The following COMMD2 variants were observed in gnomAD, a reference collection of about 807,000 sequenced individuals.
COMMD2 encodes COMM domain containing 2.
Under a neutral mutation model 22.5 loss-of-function variants are expected in COMMD2, and 25 were observed. The ratio of observed to expected loss-of-function variants is 1.11; its 90% CI spans 0.81 to 1.55. The LOEUF (loss-of-function observed/expected upper bound fraction) is 1.55. COMMD2 is among the 40% of genes most tolerant of loss of function. COMMD2 has a pLI of 0.00. For synonymous variants in COMMD2, 98 were observed against 91.2 expected, an observed-to-expected ratio of 1.07 and a Z score of -0.42; for missense variants, 223 against 232.9, an observed-to-expected ratio of 0.96 and a Z score of 0.28.
intron 4 of COMMD2, among the ~76,000 whole-genome samples, chr3:149,746,175 T>TAG (rs1171878153): frequency 6.6e-6 from 1 of 152,208 alleles, no homozygotes; most frequent in Non-Finnish European, 1.5e-5. Flanking sequence ...GCCTGACTTC[T>TAG]AATTTTTCAA....
At chr3:149,751,543 C>A in intron 2 of COMMD2, 58 bp from the exon 3 acceptor site, 2 of 1,355,804 alleles carry the variant, frequency 1.5e-6, no homozygotes, top group African/African-American at 1.5e-5. Flanking sequence ...TTATCTTGTT[C>A]ATATTTGTAT....
At position 149,740,934 on chromosome 3, in the gene COMMD2, C is replaced by G. The variant is rs1198627264; in HGVS notation, c.*587G>C. The G allele has an allele frequency of 1.3e-5, 2 of 152,510 alleles. No individual in the cohort carries two copies. The highest frequency in any genetic ancestry group is 2.9e-5 in the Non-Finnish European group (2 of 68,024). 9.4% of individuals were successfully genotyped at this position (152,510 alleles called of 1,614,324 possible). ...CAAAATAATGGCCATCTGGCTAGTT[C>G]CAACGGTAGAGCATGAGACTCTTAA... On this transcript the variant is annotated 3_prime_UTR_variant, in exon 5 of 5. Coordinates refer to ENST00000473414, the MANE Select transcript of COMMD2 (RefSeq NM_016094.4).
At chr3:149,741,954 C>G (rs555615170) in intron 4 of COMMD2, among the ~76,000 whole-genome samples, 2 of 151,866 alleles carry the variant, frequency 1.3e-5, no homozygotes, top group African/African-American at 4.8e-5. Flanking sequence ...AAAGACAAAA[C>G]TGGTAAAATT....
chr3:149,750,720 G>A lies in COMMD2; in HGVS notation c.360C>T (p.Ser120=). 1 of 1,598,554 alleles carries A rather than the reference G, an allele frequency of 6.3e-7. No individual in the cohort carries two copies. The highest frequency in any genetic ancestry group is 8.5e-7 in the Non-Finnish European group (1 of 1,171,638). The change falls in exon 4 of 5, where the codon AGC becomes AGT. Residue 120 remains serine, a synonymous_variant. Coordinates refer to ENST00000473414, the MANE Select transcript of COMMD2 (RefSeq NM_016094.4). ...IRTILSELAP[S]LPSYHNLEWR... ...ATTCAAGGTTATGATAACTGGGAAG[G>A]CTTGGTGCCAATTCACTCAGAATCG... is the stretch of plus-strand genomic sequence containing the variant.
At position 149,750,783 on chromosome 3, in the gene COMMD2, C is replaced by CAAATTA; in HGVS notation, c.296_297insTAATTT (p.Leu98_Leu99insPheAsn). On this transcript the variant is annotated inframe_insertion, in exon 4 of 5. Transcript: ENST00000473414. ...TTCTGTTGTCCAGATAAAGCTGAAG[C>CAAATTA]AACAATTTGTTTAATTCTTCAGAGA... 6.2e-7 allele frequency: 1 copy of CAAATTA among 1,606,106 alleles called. No individual in the cohort carries two copies. The highest frequency in any genetic ancestry group is 8.5e-7 in the Non-Finnish European group (1 of 1,175,154).
chr3:149,748,630 G>A (rs1018650269), intron 4 of COMMD2, among the ~76,000 whole-genome samples: 2 of 152,212 alleles, frequency 1.3e-5, no homozygotes, highest in African/African-American at 4.8e-5. Context: ...TATAAAGAAC[G>A]AGATAATATT....
At chr3:149,745,633 T>G (rs1716347086) in intron 4 of COMMD2, among the ~76,000 whole-genome samples, 1 of 152,234 alleles carries the variant, frequency 6.6e-6, no homozygotes, top group Non-Finnish European at 1.5e-5. Flanking sequence ...ATAAATGGTT[T>G]GATAACTGAA....
rs1716218841 is a variant in COMMD2, at chr3:149,741,387, G to GT, written c.*133dup. 1 of 759,376 alleles carries GT rather than the reference G, an allele frequency of 1.3e-6. No individual in the cohort carries two copies. Among genetic ancestry groups the GT allele is most frequent in the Non-Finnish European group, 2.1e-6 (1 of 467,890 alleles). The allele number at this position is 759,376 out of a possible 1,614,324, so 47.0% of individuals were successfully genotyped here. A position where few individuals can be genotyped will look rare whatever the true frequency, so the allele number is the denominator to read the frequency against. On this transcript the variant is annotated 3_prime_UTR_variant, in exon 5 of 5. Transcript: ENST00000473414. ...AGCTTAGCTTCTGATTATGACCTCA[G>GT]TATCTTGGAATAGATACTGAGGAAT...
intron 4 of COMMD2, among the ~76,000 whole-genome samples, chr3:149,746,731 C>T (rs140220852): frequency 0.075 from 11,419 of 152,116 alleles, 1,259 homozygotes; most frequent in African/African-American, 0.24. Context: ...TGCAGTGAGC[C>T]GAGATTGCAC....
rs773316554 is a variant in COMMD2 at position 149,751,431 on chromosome 3, T to TA, written c.199dup (p.Tyr67LeufsTer5). The stretch of plus-strand genomic sequence containing the variant: ...GAGCTTTGAGCTCTCAGTGAGGAGA[T>TA]ACGTTAATCCTTCCACACCATGCTG... On this transcript the variant is annotated frameshift_variant, in exon 3 of 5. Transcript: ENST00000473414. LOFTEE classifies it high-confidence loss of function. 1.2e-6 allele frequency: 2 copies of TA among 1,614,134 alleles called. No homozygotes were observed. Among genetic ancestry groups the TA allele is most frequent in the Non-Finnish European group, 1.7e-6 (2 of 1,179,964 alleles).
intron 3 of COMMD2, 48 bp downstream of exon 3, chr3:149,751,355 C>A: frequency 6.2e-7 from 1 of 1,613,150 alleles, no homozygotes; most frequent in Non-Finnish European, 8.5e-7. Flanking sequence ...TACACCAGAC[C>A]GTTCTTAAGA....
rs1716179453 is a variant in COMMD2, at chr3:149,740,423, T to C, written c.*1098A>G. On this transcript the variant is annotated 3_prime_UTR_variant, in exon 5 of 5. Coordinates refer to ENST00000473414, the MANE Select transcript of COMMD2 (RefSeq NM_016094.4). ...CAGGACAATCAAGAATTGATTATAT[T>C]TCTCTGCATCCATTATTTGTAAATG... 6.6e-6 allele frequency: 1 copy of C among 152,232 alleles called. No homozygotes were observed. 9.4% of individuals were successfully genotyped at this position (152,232 alleles called of 1,614,324 possible).
chr3:149,747,599 A>G (rs143156529), intron 4 of COMMD2, among the ~76,000 whole-genome samples: 32 of 152,334 alleles, frequency 2.1e-4, no homozygotes, highest in East Asian at 1.7e-3. Flanking sequence ...TTAAGAGATG[A>G]CGGGAAGAGA....
intron 4 of COMMD2, 23 bp downstream of exon 4, chr3:149,750,655 A>C (rs1478549117): frequency 6.8e-7 from 1 of 1,473,266 alleles, no homozygotes; most frequent in Non-Finnish European, 9.2e-7. Flanking sequence ...TTCTATGTTA[A>C]GTTAATTTTA....
intron 4 of COMMD2, among the ~76,000 whole-genome samples, chr3:149,749,055 C>T (rs1027920327): frequency 1.3e-5 from 2 of 151,422 alleles, no homozygotes; most frequent in Non-Finnish European, 2.9e-5. Context: ...CCCTCTGTTG[C>T]CCAGGCTGGA....
chr3:149,739,383 G>A lies in COMMD2; in HGVS notation c.*2138C>T, dbSNP rs529937743. ...AGATAAGCCCCAGATTCTAAAAGAAGGTAGGCAAACTGCTCCCAACTCACC... is the reference window on the plus strand; with the variant it reads ...AGATAAGCCCCAGATTCTAAAAGAAAGTAGGCAAACTGCTCCCAACTCACC... On this transcript the variant is annotated 3_prime_UTR_variant, in exon 5 of 5. Coordinates refer to ENST00000473414, the MANE Select transcript of COMMD2 (RefSeq NM_016094.4). The A allele has an allele frequency of 2.6e-5, 4 of 152,306 alleles. No individual in the cohort carries two copies. Among genetic ancestry groups the A allele is most frequent in the African/African-American group, 9.6e-5 (4 of 41,566 alleles). 9.4% of individuals were successfully genotyped at this position (152,306 alleles called of 1,614,324 possible). A position where few individuals can be genotyped will look rare whatever the true frequency, so the allele number is the denominator to read the frequency against.
At position 149,746,756 on chromosome 3, in the gene COMMD2, C is replaced by T. The variant is rs145218169; in HGVS notation, c.402+3922G>A. Among the ~76,000 whole-genome samples, 275 of 152,250 alleles carry T rather than the reference C, an allele frequency of 1.8e-3. 3 individuals carry two copies. The East Asian group carries it at 0.051, about 28-fold the overall frequency. On this transcript the variant is annotated intron_variant, in intron 4 of 4. Transcript: ENST00000473414. The stretch of plus-strand genomic sequence containing the variant: ...CGAGATTGCACCACTGCACTCCAGC[C>T]TGGCTACACAGCGAGACTCTGTCTC...
At chr3:149,749,000 A>T (rs967041951) in intron 4 of COMMD2, among the ~76,000 whole-genome samples, 4 of 151,838 alleles carry the variant, frequency 2.6e-5, no homozygotes, top group African/African-American at 9.7e-5. Flanking sequence ...TTGTTTTTTA[A>T]TGTTACTGTC....
chr3:149,742,111 G>GA (rs1171105738), intron 4 of COMMD2, among the ~76,000 whole-genome samples: 2 of 151,750 alleles, frequency 1.3e-5, no homozygotes, highest in Middle Eastern at 3.4e-3. Flanking sequence ...GATTTAATAA[G>GA]AAAAAAACCT....
Sources: gnomAD v4.1 joint callset for allele counts (sites outside exome capture counted in the v4.1 genomes callset) on GRCh38, gnomAD v4.1.1 for gene constraint, MANE v1.5 for transcripts, NCBI Gene and HGNC (gene_info 2026-07-23, HGNC 2026-07-21) for gene names.